The following FAM13A variants were observed in gnomAD, a reference collection of about 807,000 sequenced individuals.
The protein encoded by FAM13A is family with sequence similarity 13 member A.
In FAM13A, 76 loss-of-function variants were observed where a neutral mutation model predicts 129.6. The ratio of observed to expected loss-of-function variants is 0.59; its 90% confidence interval spans 0.49 to 0.71. FAM13A has a LOEUF of 0.71. FAM13A is among the 30% of genes least tolerant of loss of function. FAM13A has a pLI of 0.00. For missense variants in FAM13A, 1,108 were observed against 1,249.3 expected, an observed-to-expected ratio of 0.89 and a Z score of 1.70; for synonymous variants, 443 against 449.9, an observed-to-expected ratio of 0.98 and a Z score of 0.20.
chr4:88,731,575 C>T, intron 22 of FAM13A, 147 bp from the exon 23 acceptor site: 1 of 530,238 alleles, frequency 1.9e-6, no homozygotes, highest in Non-Finnish European at 3.3e-6. Flanking sequence ...CGCGGAAATG[C>T]ATGTTTTCCA....
rs77556833 is a variant in FAM13A, at chr4:88,939,367, T to C, written c.606-1126A>G. Among the ~76,000 whole-genome samples, 142 of 152,262 alleles carry C rather than the reference T, an allele frequency of 9.3e-4. 3 individuals are homozygous for C. In the East Asian group the frequency reaches 0.027, roughly 28 times the overall value. On this transcript the variant is annotated intron_variant, in intron 4 of 23. Coordinates refer to ENST00000264344, the MANE Select transcript of FAM13A (RefSeq NM_014883.4). ...CCACCATCACACGGCCTTCTCTACATGTGCTTAATCTCCCTCTACCCCATT... is the reference window on the plus strand; with the variant it reads ...CCACCATCACACGGCCTTCTCTACACGTGCTTAATCTCCCTCTACCCCATT...
At chr4:88,924,244 A>T (rs1158341946) in intron 5 of FAM13A, among the ~76,000 whole-genome samples, 1 of 152,220 alleles carries the variant, frequency 6.6e-6, no homozygotes, top group African/African-American at 2.4e-5. Context: ...CCGCATCGCC[A>T]AGTCAATCCT....
chr4:89,015,668 T>C (rs1232243754), intron 3 of FAM13A, among the ~76,000 whole-genome samples: 1 of 152,226 alleles, frequency 6.6e-6, no homozygotes, highest in Non-Finnish European at 1.5e-5. Flanking sequence ...CTTACTATAC[T>C]ATACATTTTA....
chr4:88,965,242 G>T (rs1482565181), intron 4 of FAM13A, among the ~76,000 whole-genome samples: 2 of 152,198 alleles, frequency 1.3e-5, no homozygotes, highest in African/African-American at 4.8e-5. Context: ...AGAAAGGAAA[G>T]GCATCTGCTG....
At chr4:88,905,609 A>G (rs1428627546) in intron 6 of FAM13A, 1 of 152,002 alleles carries the variant, frequency 6.6e-6, no homozygotes, top group Non-Finnish European at 1.5e-5. Context: ...CTTTGTGTTC[A>G]TAAGTTCTTG....
chr4:89,018,975 C>T (rs1478818844), intron 3 of FAM13A, among the ~76,000 whole-genome samples: 1 of 152,140 alleles, frequency 6.6e-6, no homozygotes, highest in Non-Finnish European at 1.5e-5. Context: ...AGTAATCTTC[C>T]AAAAGGATTG....
chr4:88,758,597 T>C (rs2149506244), intron 14 of FAM13A, among the ~76,000 whole-genome samples, 157 bp downstream of exon 14: 1 of 152,340 alleles, frequency 6.6e-6, no homozygotes, highest in East Asian at 1.9e-4. Flanking sequence ...GAGGTATTCC[T>C]ATGACAGGTC....
At chr4:88,979,160 TTTCA>T (rs1204330926) in intron 4 of FAM13A, among the ~76,000 whole-genome samples, 4 of 152,154 alleles carry the variant, frequency 2.6e-5, no homozygotes, top group African/African-American at 9.7e-5. Context: ...AAAGAAACAA[TTTCA>T]TTTATTATAT....
intron 6 of FAM13A, among the ~76,000 whole-genome samples, chr4:88,868,439 T>C (rs1052389276): frequency 1.1e-4 from 17 of 152,328 alleles, no homozygotes; most frequent in African/African-American, 3.4e-4. Context: ...TACCTATCAC[T>C]TTAGTTTGGG....
chr4:88,728,398 T>C lies in FAM13A; in HGVS notation c.*135A>G, dbSNP rs1736820379. ...GGCAGGCAATGGAAACAGGAGCCGA[T>C]GCCAAATGGTCTAGAGGCAGAAGGG... On this transcript the variant is annotated 3_prime_UTR_variant, in exon 24 of 24. Coordinates refer to ENST00000264344, the MANE Select transcript of FAM13A (RefSeq NM_014883.4). 2 of 1,025,728 alleles carry C rather than the reference T, an allele frequency of 1.9e-6. No individual in the cohort carries two copies. The highest frequency in any genetic ancestry group is 1.4e-6 in the Non-Finnish European group (1 of 699,606). 63.5% of individuals were successfully genotyped at this position (1,025,728 alleles called of 1,614,324 possible). A position where few individuals can be genotyped will look rare whatever the true frequency, so the allele number is the denominator to read the frequency against.
intron 5 of FAM13A, among the ~76,000 whole-genome samples, chr4:88,916,091 C>T (rs541409915): frequency 6.6e-6 from 1 of 151,930 alleles, no homozygotes; most frequent in African/African-American, 2.4e-5. Context: ...ACACTTAGCC[C>T]CCTAACTATG....
chr4:88,750,526 T>A lies in FAM13A; in HGVS notation c.1838A>T (p.Asp613Val), dbSNP rs1160020410. Residue 613 changes from aspartate to valine, a missense_variant, in exon 15 of 24, where the codon GAC becomes GTC. By Grantham distance (152) the Asp-to-Val change is radical. This residue lies in a region of FAM13A where 529 missense variants were observed against 621.2 expected (regional missense o/e 0.85). Coordinates refer to ENST00000264344, the MANE Select transcript of FAM13A (RefSeq NM_014883.4). ...GTAGAACCGAGGAGAGAGCATGGGG[T>A]CGCTGTCTTCGTCCAGCAGCTGACG... The part of the protein sequence containing the change: ...LIRQLLDEDS[D>V]PMLSPRFYAY... The A allele has an allele frequency of 6.2e-7, 1 of 1,613,876 alleles. No individual in the cohort carries two copies. The highest frequency in any genetic ancestry group is 1.3e-5 in the African/African-American group (1 of 74,918).
chr4:88,855,606 C>A (rs1738351838), intron 6 of FAM13A: 1 of 151,234 alleles, frequency 6.6e-6, no homozygotes, highest in African/African-American at 2.4e-5. Context: ...TTAAAACACA[C>A]AATAATTTGT....
intron 7 of FAM13A, among the ~76,000 whole-genome samples, chr4:88,807,474 A>G (rs575241746): frequency 5.3e-5 from 8 of 152,350 alleles, no homozygotes; most frequent in South Asian, 4.1e-4. Flanking sequence ...GAGTGAGTAC[A>G]TAACTCATTC....
chr4:88,855,890 C>T (rs1299800248), intron 6 of FAM13A: 2 of 152,080 alleles, frequency 1.3e-5, no homozygotes, highest in East Asian at 3.9e-4. Flanking sequence ...GTGTAGAGTA[C>T]GAATTATCTG....
chr4:88,744,363 TTAATAA>T (rs1021114425), intron 19 of FAM13A, among the ~76,000 whole-genome samples: 3 of 152,158 alleles, frequency 2.0e-5, no homozygotes, highest in African/African-American at 4.8e-5. Context: ...AGGACGCACT[TTAATAA>T]TAATAGGGAA....
intron 5 of FAM13A, chr4:88,936,781 T>A (rs1753921074): frequency 6.6e-6 from 1 of 152,212 alleles, no homozygotes; most frequent in African/African-American, 2.4e-5. Flanking sequence ...TAAAAATTGT[T>A]TATAAAAGAT....
At chr4:88,854,386 A>C (rs1276478329) in intron 6 of FAM13A, among the ~76,000 whole-genome samples, 1 of 152,192 alleles carries the variant, frequency 6.6e-6, no homozygotes, top group East Asian at 1.9e-4. Flanking sequence ...ATGTGCTGGA[A>C]AGACATACCT....
chr4:88,947,429 C>T (rs1018137574), intron 4 of FAM13A, among the ~76,000 whole-genome samples: 5 of 152,026 alleles, frequency 3.3e-5, no homozygotes, highest in African/African-American at 1.2e-4. Context: ...ACAAAAAACA[C>T]ACAGAAATGA....
Sources: allele counts gnomAD v4.1 joint callset (sites outside exome capture counted in the v4.1 genomes callset), GRCh38; gene constraint gnomAD v4.1.1; regional missense constraint gnomAD v4.1.1; transcripts MANE v1.5; gene names NCBI Gene and HGNC (gene_info 2026-07-23, HGNC 2026-07-21).